The following SCFD1 variants were observed in gnomAD, a reference collection of about 807,000 sequenced individuals.
SCFD1 encodes the protein sec1 family domain containing 1.
Under a neutral mutation model 103.2 loss-of-function variants are expected in SCFD1, and 37 were observed. That is an observed-to-expected ratio of 0.36 (90% confidence interval 0.28 to 0.47). The LOEUF is 0.47. Among genes scored for constraint, SCFD1 ranks in the 20% least tolerant of loss-of-function variants. The pLI is 1.00. For synonymous variants in SCFD1, 264 were observed against 245.0 expected (o/e 1.08, Z -0.73); for missense variants, 639 against 761.2 (o/e 0.84, Z 1.89).
chr14:30,701,708 G>A (rs11847861), intron 16 of SCFD1, among the ~76,000 whole-genome samples: 1 of 151,842 alleles, frequency 6.6e-6, no homozygotes, highest in Non-Finnish European at 1.5e-5. Context: ...TTTACTTTTG[G>A]TAAGGATTAT....
chr14:30,723,777 T>C (rs900529632), intron 23 of SCFD1, among the ~76,000 whole-genome samples: 43 of 152,218 alleles, frequency 2.8e-4, no homozygotes, highest in African/African-American at 9.2e-4. Context: ...ATGTACCACA[T>C]TTTCTTTGTC....
upstream of SCFD1, chr14:30,622,267 CG>C: frequency 6.3e-7 from 1 of 1,577,138 alleles, no homozygotes; most frequent in Non-Finnish European, 8.6e-7. Flanking sequence ...GCTTTGCTTC[CG>C]GGGCGGTAAG....
At chr14:30,734,458 A>G in intron 23 of SCFD1, 1 of 309,848 alleles carries the variant, frequency 3.2e-6, no homozygotes, top group Non-Finnish European at 6.3e-6. Context: ...CACATCCTAC[A>G]TTGGAAGAAT....
intron 14 of SCFD1, among the ~76,000 whole-genome samples, chr14:30,691,681 T>A (rs1349138941): frequency 6.6e-6 from 1 of 152,334 alleles, no homozygotes; most frequent in East Asian, 1.9e-4. Context: ...TACAGAGTTG[T>A]TGCAACCACA....
chr14:30,653,291 A>G (rs1189901659), intron 9 of SCFD1, among the ~76,000 whole-genome samples, 198 bp from the exon 10 acceptor site: 1 of 152,172 alleles, frequency 6.6e-6, no homozygotes, highest in East Asian at 1.9e-4. Context: ...ACATAGCAAG[A>G]CCCTGTCTCA....
chr14:30,659,769 T>G (rs1036620516), intron 10 of SCFD1, among the ~76,000 whole-genome samples: 1 of 101,634 alleles, frequency 9.8e-6, no homozygotes, highest in Non-Finnish European at 2.2e-5. Context: ...TAATAAAGAT[T>G]TTTTTTTCTT....
intron 17 of SCFD1, among the ~76,000 whole-genome samples, chr14:30,702,713 A>G (rs1034880565): frequency 1.3e-5 from 2 of 152,180 alleles, no homozygotes; most frequent in East Asian, 1.9e-4. Flanking sequence ...ACATAATGCA[A>G]ATGTTTAGAA....
At chr14:30,678,248 C>G (rs1004106784) in intron 14 of SCFD1, among the ~76,000 whole-genome samples, 18 of 152,050 alleles carry the variant, frequency 1.2e-4, no homozygotes, top group African/African-American at 4.1e-4. Flanking sequence ...AGAGTATAAC[C>G]GCTTCTTACA....
At chr14:30,691,359 A>G (rs1461088333) in intron 14 of SCFD1, among the ~76,000 whole-genome samples, 1 of 152,158 alleles carries the variant, frequency 6.6e-6, no homozygotes, top group Admixed American at 6.5e-5. Flanking sequence ...ACTTGTATCT[A>G]TTTTATGTTT....
intron 11 of SCFD1, 75 bp from the exon 12 acceptor site, chr14:30,673,182 G>C: frequency 1.6e-6 from 1 of 608,216 alleles, no homozygotes; most frequent in Non-Finnish European, 2.9e-6. Flanking sequence ...AATGTTCATT[G>C]TATATATTTT....
At position 30,699,241 on chromosome 14, in the gene SCFD1, G is replaced by A. The variant is rs554251200; in HGVS notation, c.1340-947G>A. Among the ~76,000 whole-genome samples the A allele has an allele frequency of 9.2e-5, 14 of 152,266 alleles. No individual in the cohort carries two copies. In the East Asian group the frequency reaches 2.7e-3, roughly 29 times the overall value. On this transcript the variant is annotated intron_variant, in intron 15 of 24. Coordinates refer to ENST00000458591, the MANE Select transcript of SCFD1 (RefSeq NM_016106.4). ...TCTTCAGGGAGTACGGATAATTAGA[G>A]AATGAGCGTTAGTGTTCCAAATCAT... is the stretch of plus-strand genomic sequence containing the variant.
chr14:30,634,383 T>A (rs1329472212), intron 4 of SCFD1, among the ~76,000 whole-genome samples: 1 of 152,170 alleles, frequency 6.6e-6, no homozygotes, highest in Non-Finnish European at 1.5e-5. Context: ...CAGAATATAT[T>A]TTATAATTGC....
chr14:30,649,816 CT>C (rs796855247), intron 8 of SCFD1, among the ~76,000 whole-genome samples: 1 of 152,042 alleles, frequency 6.6e-6, no homozygotes, highest in African/African-American at 2.4e-5. Flanking sequence ...AGTCCTATTT[CT>C]TTTTTTAAAA....
intron 21 of SCFD1, among the ~76,000 whole-genome samples, chr14:30,720,282 G>A (rs1004871182): frequency 5.9e-5 from 9 of 152,126 alleles, no homozygotes; most frequent in Admixed American, 4.6e-4. Context: ...GTGGAAAGGG[G>A]GATGAGGATT....
At chr14:30,684,401 C>G (rs1889759822) in intron 14 of SCFD1, among the ~76,000 whole-genome samples, 1 of 152,160 alleles carries the variant, frequency 6.6e-6, no homozygotes, top group African/African-American at 2.4e-5. Flanking sequence ...CTTTCCAAAC[C>G]CTGTGGGCTA....
chr14:30,673,159 A>G, intron 11 of SCFD1, 98 bp from the exon 12 acceptor site: 1 of 505,204 alleles, frequency 2.0e-6, no homozygotes, highest in Non-Finnish European at 3.5e-6. Context: ...AAATAAGTAT[A>G]TTTAAAATAA....
At chr14:30,665,893 A>T (rs1887914427) in intron 10 of SCFD1, among the ~76,000 whole-genome samples, 1 of 152,180 alleles carries the variant, frequency 6.6e-6, no homozygotes, top group South Asian at 2.1e-4. Context: ...AGATTCATAA[A>T]ACAAATCCCA....
chr14:30,719,905 C>T (rs574639705), intron 21 of SCFD1, among the ~76,000 whole-genome samples: 70 of 133,624 alleles, frequency 5.2e-4, no homozygotes, highest in African/African-American at 1.2e-3. Flanking sequence ...ATTTAATTAG[C>T]GGTGGTATGA....
chr14:30,710,690 T>TAA (rs750290968), intron 19 of SCFD1, among the ~76,000 whole-genome samples: 1 of 152,166 alleles, frequency 6.6e-6, no homozygotes, highest in Non-Finnish European at 1.5e-5. Flanking sequence ...TAGAAATATG[T>TAA]AAACTCAGAG....
Sources: gnomAD v4.1 joint callset for allele counts (sites outside exome capture counted in the v4.1 genomes callset) on GRCh38, gnomAD v4.1.1 for gene constraint, MANE v1.5 for transcripts, NCBI Gene and HGNC (gene_info 2026-07-23, HGNC 2026-07-21) for gene names.